COX7A2L: variants seen among roughly 807,000 people sequenced by gnomAD.
COX7A2L encodes the protein cytochrome c oxidase subunit 7A2 like, also known as cytochrome c oxidase subunit 7A2-like, mitochondrial.
Under a neutral mutation model 14.2 loss-of-function variants are expected in COX7A2L, and 18 were observed. The observed-to-expected ratio is 1.27, with a 90% CI of 0.88 to 1.88. COX7A2L has a LOEUF of 1.88. COX7A2L is among the 40% of genes most tolerant of loss of function. The pLI, the probability that COX7A2L is intolerant of heterozygous loss-of-function variation, is 0.00. For synonymous variants in COX7A2L, 65 were observed against 57.4 expected, an observed-to-expected ratio of 1.13 and a Z score of -0.60; for missense variants, 179 against 138.8, an observed-to-expected ratio of 1.29 and a Z score of -1.46.
chr2:42,358,633 TTAAG>T (rs1670908325), intron 1 of COX7A2L, among the ~76,000 whole-genome samples: 2 of 152,200 alleles, frequency 1.3e-5, no homozygotes, highest in Non-Finnish European at 2.9e-5. Context: ...TAAGAAATCT[TTAAG>T]TAACTAAGAA....
chr2:42,343,883 A>C (rs1388059804), intron 2 of COX7A2L, among the ~76,000 whole-genome samples: 4 of 152,230 alleles, frequency 2.6e-5, no homozygotes, highest in African/African-American at 9.6e-5. Context: ...GTGTTATCAA[A>C]GCCACACCAA....
intron 1 of COX7A2L, among the ~76,000 whole-genome samples, chr2:42,360,295 G>C (rs1343654767): frequency 6.6e-6 from 1 of 152,150 alleles, no homozygotes; most frequent in Non-Finnish European, 1.5e-5. Flanking sequence ...TTCATTTAAT[G>C]TGTACTAACG....
intron 2 of COX7A2L, among the ~76,000 whole-genome samples, chr2:42,336,579 GGA>G: frequency 1.3e-5 from 2 of 152,308 alleles, no homozygotes; most frequent in South Asian, 4.1e-4. Flanking sequence ...AAAGGTCACA[GGA>G]GACTCCGGAG....
chr2:42,364,329 T>C (rs1435693458), upstream of COX7A2L, among the ~76,000 whole-genome samples: 1 of 151,798 alleles, frequency 6.6e-6, no homozygotes, highest in East Asian at 1.9e-4. Flanking sequence ...GTTGAGGTCA[T>C]TGTGGGCTCC....
At chr2:42,343,752 G>A (rs1014217220) in intron 2 of COX7A2L, among the ~76,000 whole-genome samples, 3 of 152,220 alleles carry the variant, frequency 2.0e-5, no homozygotes, top group Non-Finnish European at 2.9e-5. Flanking sequence ...TGACCATGAG[G>A]AAAATCAGAA....
intron 2 of COX7A2L, among the ~76,000 whole-genome samples, chr2:42,336,229 G>T (rs1443920323): frequency 6.6e-6 from 1 of 152,124 alleles, no homozygotes. Context: ...ATAGAATTTT[G>T]ATCTTCCGTC....
At chr2:42,336,229 G>A (rs1443920323) in intron 2 of COX7A2L, among the ~76,000 whole-genome samples, 1 of 152,124 alleles carries the variant, frequency 6.6e-6, no homozygotes, top group Non-Finnish European at 1.5e-5. Flanking sequence ...ATAGAATTTT[G>A]ATCTTCCGTC....
At chr2:42,356,246 T>C (rs975127604) in intron 1 of COX7A2L, among the ~76,000 whole-genome samples, 3 of 152,210 alleles carry the variant, frequency 2.0e-5, no homozygotes, top group African/African-American at 7.2e-5. Flanking sequence ...GAGATCTTTC[T>C]GACCACCCTT....
At chr2:42,357,722 T>C (rs888608194) in intron 1 of COX7A2L, among the ~76,000 whole-genome samples, 1 of 152,168 alleles carries the variant, frequency 6.6e-6, no homozygotes, top group African/African-American at 2.4e-5. Flanking sequence ...AGGAACACCC[T>C]GTCACTGTGA....
intron 2 of COX7A2L, among the ~76,000 whole-genome samples, chr2:42,336,426 T>C (rs148766428): frequency 3.2e-4 from 49 of 151,658 alleles, no homozygotes; most frequent in South Asian, 8.5e-4. Context: ...CCAGATCTCA[T>C]TGAAGGCACT....
At chr2:42,368,147 A>G (rs1671203695) in intron 1 of COX7A2L, among the ~76,000 whole-genome samples, 1 of 152,238 alleles carries the variant, frequency 6.6e-6, no homozygotes, top group Admixed American at 6.5e-5. Context: ...TGGGTGGAAC[A>G]AGAACATGAA....
chr2:42,350,327 C>A lies in COX7A2L; in HGVS notation c.*892G>T, dbSNP rs560882372. The A allele has an allele frequency of 2.6e-5, 4 of 152,230 alleles. No individual in the cohort carries two copies. The highest frequency in any genetic ancestry group is 5.9e-5 in the Non-Finnish European group (4 of 68,014). 9.4% of individuals were successfully genotyped at this position (152,230 alleles called of 1,614,324 possible). On this transcript the variant is annotated 3_prime_UTR_variant, in exon 3 of 3. Coordinates refer to ENST00000234301, the MANE Select transcript of COX7A2L (RefSeq NM_004718.4). Reference sequence around the variant, plus strand: ...GGGGCAGGCAGGTTTTTATAAAAAACCATGTGGTAATCATCAATATGCCAT... The same window carrying A: ...GGGGCAGGCAGGTTTTTATAAAAAAACATGTGGTAATCATCAATATGCCAT...
intron 1 of COX7A2L, among the ~76,000 whole-genome samples, chr2:42,360,708 T>C (rs1009002343): frequency 6.4e-5 from 1 of 15,514 alleles, no homozygotes; most frequent in Non-Finnish European, 1.1e-4. Context: ...TATGGGGCTC[T>C]GGCAGATGAC....
chr2:42,340,738 C>G (rs1358098329), intron 2 of COX7A2L, among the ~76,000 whole-genome samples: 1 of 152,152 alleles, frequency 6.6e-6, no homozygotes, highest in African/African-American at 2.4e-5. Flanking sequence ...CCTGCCATTC[C>G]TCCTCTCACC....
rs116795706 is a variant in COX7A2L, at chr2:42,353,834, A to G, written c.73-491T>C. Among the ~76,000 whole-genome samples the G allele has an allele frequency of 5.4e-3, 827 of 152,370 alleles. 4 individuals are homozygous for G. The highest frequency in any genetic ancestry group is 7.9e-3 in the Non-Finnish European group (537 of 68,040). On this transcript the variant is annotated intron_variant, in intron 1 of 2. Transcript: ENST00000234301. ...GGACCAGAAAACAAAATCAAAACAA[A>G]AAACTTTTCGAAATGAACTTTTCAG... is the stretch of plus-strand genomic sequence containing the variant.
chr2:42,360,187 G>A (rs1670976483), intron 1 of COX7A2L: 1 of 152,254 alleles, frequency 6.6e-6, no homozygotes, highest in Non-Finnish European at 1.5e-5. Flanking sequence ...TTCTCTAGAG[G>A]ATTAGGAGGG....
chr2:42,341,934 G>A (rs545293508), intron 2 of COX7A2L, among the ~76,000 whole-genome samples: 2 of 152,308 alleles, frequency 1.3e-5, no homozygotes, highest in Non-Finnish European at 2.9e-5. Flanking sequence ...GAACTTTGAA[G>A]ACATCAACTC....
chr2:42,337,593 C>A (rs1320284068), intron 2 of COX7A2L, among the ~76,000 whole-genome samples: 4 of 152,108 alleles, frequency 2.6e-5, no homozygotes, highest in Non-Finnish European at 5.9e-5. Context: ...TGCTGAAAAC[C>A]AAGGAAGCCT....
chr2:42,367,236 G>C (rs1671181755), intron 1 of COX7A2L, among the ~76,000 whole-genome samples: 1 of 152,174 alleles, frequency 6.6e-6, no homozygotes, highest in South Asian at 2.1e-4. Context: ...CTGGATCCCA[G>C]ATCTTCCTAC....
Sources: gnomAD v4.1 joint callset for allele counts (sites outside exome capture counted in the v4.1 genomes callset) on GRCh38, gnomAD v4.1.1 for gene constraint, MANE v1.5 for transcripts, NCBI Gene and HGNC (gene_info 2026-07-23, HGNC 2026-07-21) for gene names.